Variants in HPS5 observed in about 807,000 individuals in gnomAD.
The protein encoded by HPS5 is HPS5 biogenesis of lysosomal organelles complex 2 subunit 2.
In HPS5, 83 loss-of-function variants were observed where a neutral mutation model predicts 128.0. The observed-to-expected ratio is 0.65, with a 90% CI of 0.54 to 0.78. The LOEUF (loss-of-function observed/expected upper bound fraction) is 0.78, where lower values mean the gene tolerates loss of function less well. Ranked by LOEUF, HPS5 falls within the 30% of genes least tolerant of loss-of-function variation. HPS5 has a pLI of 0.00. For synonymous variants in HPS5, 475 were observed against 470.2 expected (o/e 1.01, Z -0.13); for missense variants, 1,281 against 1,326.2 (o/e 0.97, Z 0.53).
Position 18,308,936 on chromosome 11 carries a change from G to A in HPS5, c.611+10C>T. 6.2e-7 allele frequency: 1 copy of A among 1,613,766 alleles called. No homozygotes were observed. Among genetic ancestry groups the A allele is most frequent in the Non-Finnish European group, 8.5e-7 (1 of 1,179,734 alleles). ...CTGCATTTCTGATGACTAATGGTTG[G>A]TCAATATACCTCTCAGTGTCACACA... On this transcript the variant is annotated intron_variant, in intron 6 of 22. Transcript: ENST00000349215.
intron 4 of HPS5, 101 bp from the exon 5 acceptor site, chr11:18,311,034 G>A (rs1019655887): frequency 1.2e-6 from 1 of 858,256 alleles, no homozygotes; most frequent in African/African-American, 1.7e-5. Context: ...TGCAACTCTT[G>A]TTCTTCAGAA....
intron 4 of HPS5, 76 bp downstream of exon 4, chr11:18,311,311 G>T: frequency 2.9e-6 from 3 of 1,041,420 alleles, no homozygotes; most frequent in Non-Finnish European, 4.5e-6. Flanking sequence ...CAGGATGGTT[G>T]GTCACCCTAA....
chr11:18,297,448 A>C, intron 11 of HPS5, 111 bp downstream of exon 11: 1 of 1,044,088 alleles, frequency 9.6e-7, no homozygotes. Context: ...CTTCCCACCA[A>C]AAAACATAAA....
chr11:18,309,053 A>C lies in HPS5; in HGVS notation c.504T>G (p.Pro168=), dbSNP rs781286971. The change falls in exon 6 of 23, where the codon CCT becomes CCG. Residue 168 remains proline (P), a synonymous_variant. Coordinates refer to ENST00000349215, the MANE Select transcript of HPS5 (RefSeq NM_181507.2). ...AGTCAACAGTTGTGATTGTCTGAAC[A>C]GGAAACATCACAAAAGCAGCAGCTG... ...AKAAAAFVMF[P]VQTITTVDSC... is the part of the protein sequence containing the mutation. The C allele has an allele frequency of 1.2e-6, 2 of 1,613,982 alleles. No homozygotes were observed. The highest frequency in any genetic ancestry group is 1.3e-5 in the African/African-American group (1 of 74,936).
At chr11:18,280,819 T>C (rs1430765786) in intron 22 of HPS5, among the ~76,000 whole-genome samples, 1 of 152,152 alleles carries the variant, frequency 6.6e-6, no homozygotes, top group East Asian at 1.9e-4. Context: ...TCCACTGAGA[T>C]GAGGTATGTA....
chr11:18,281,293 CA>C (rs1858906468), intron 22 of HPS5, among the ~76,000 whole-genome samples: 1 of 149,186 alleles, frequency 6.7e-6, no homozygotes, highest in African/African-American at 2.5e-5. Flanking sequence ...AGGGTTTCAC[CA>C]TATTGGTTAG....
chr11:18,297,161 G>GC (rs1489063031), intron 11 of HPS5, among the ~76,000 whole-genome samples, 177 bp from the exon 12 acceptor site: 2 of 152,228 alleles, frequency 1.3e-5, no homozygotes, highest in African/African-American at 4.8e-5. Flanking sequence ...CACTCCGTGT[G>GC]CTAGTGGCAT....
chr11:18,285,928 T>C (rs1343497300), intron 19 of HPS5, among the ~76,000 whole-genome samples: 1 of 152,200 alleles, frequency 6.6e-6, no homozygotes, highest in African/African-American at 2.4e-5. Flanking sequence ...AGAAAACACA[T>C]ACATACCTAT....
intron 1 of HPS5, among the ~76,000 whole-genome samples, chr11:18,320,289 C>T (rs899833923): frequency 2.0e-5 from 3 of 152,174 alleles, no homozygotes; most frequent in East Asian, 1.9e-4. Flanking sequence ...CTTTCAAGAT[C>T]GCACATGAGC....
At chr11:18,281,891 G>A in intron 22 of HPS5, 59 bp downstream of exon 22, 1 of 1,593,300 alleles carries the variant, frequency 6.3e-7, no homozygotes, top group Non-Finnish European at 8.6e-7. Flanking sequence ...ACATCTGAAA[G>A]TCTGTGGCCT....
Position 18,300,645 on chromosome 11 carries a change from C to A in HPS5, c.985+183G>T, listed in dbSNP as rs1861587655. Among the ~76,000 whole-genome samples the A allele has an allele frequency of 3.6e-5, 5 of 139,466 alleles. No homozygotes were observed. In the Admixed American group the frequency reaches 3.9e-4, roughly 11 times the overall value. 91.5% of individuals were successfully genotyped at this position (139,466 alleles called of 152,430 possible). A position where few individuals can be genotyped will look rare whatever the true frequency, so the allele number is the denominator to read the frequency against. ...CCAGGAGGTGGAGGTTTCCGTGAGC[C>A]AAGATCGCACCAGTGCACTCCAGCC... is the stretch of plus-strand genomic sequence containing the variant. On this transcript the variant is annotated intron_variant, in intron 9 of 22. Transcript: ENST00000349215.
intron 11 of HPS5, among the ~76,000 whole-genome samples, chr11:18,297,294 G>T (rs752298706): frequency 7.9e-5 from 12 of 152,134 alleles, no homozygotes; most frequent in Non-Finnish European, 1.5e-4. Context: ...TCACATATTA[G>T]AGCAACGTAA....
At position 18,296,604 on chromosome 11, in the gene HPS5, G is replaced by A. The variant is rs112363233; in HGVS notation, c.1510+194C>T. ...GGCCCTAATGTTAGTCCAAACGTGAGGGGAAAAAATACTAAACATAAACCA... is the reference window on the plus strand; with the variant it reads ...GGCCCTAATGTTAGTCCAAACGTGAAGGGAAAAAATACTAAACATAAACCA... On this transcript the variant is annotated intron_variant, in intron 12 of 22. Coordinates refer to ENST00000349215, the MANE Select transcript of HPS5 (RefSeq NM_181507.2). The A allele has an allele frequency of 2.3e-4, 161 of 701,286 alleles. No individual in the cohort carries two copies. The African/African-American group carries it at 2.5e-3, about 11-fold the overall frequency. 43.4% of individuals were successfully genotyped at this position (701,286 alleles called of 1,614,324 possible).
chr11:18,315,400 G>T (rs921611263), intron 2 of HPS5, among the ~76,000 whole-genome samples: 2 of 152,166 alleles, frequency 1.3e-5, no homozygotes, highest in Non-Finnish European at 2.9e-5. Flanking sequence ...ATTGTCTGAG[G>T]CTAGGAGTTT....
At chr11:18,309,464 C>T (rs1236566425) in intron 5 of HPS5, among the ~76,000 whole-genome samples, 1 of 152,172 alleles carries the variant, frequency 6.6e-6, no homozygotes, top group Non-Finnish European at 1.5e-5. Context: ...GAGCTAAGAT[C>T]ATGCTACTAT....
chr11:18,280,346 T>C (rs1375539081), intron 22 of HPS5, among the ~76,000 whole-genome samples: 1 of 152,140 alleles, frequency 6.6e-6, no homozygotes, highest in East Asian at 1.9e-4. Flanking sequence ...TGACACCCAC[T>C]GGGATAGCTA....
chr11:18,285,358 C>T lies in HPS5; in HGVS notation c.2939G>A (p.Cys980Tyr), dbSNP rs1564928969. 6.2e-7 allele frequency: 1 copy of T among 1,607,146 alleles called. No homozygotes were observed. Among genetic ancestry groups the T allele is most frequent in the Non-Finnish European group, 8.5e-7 (1 of 1,173,890 alleles). ...AATTCTCACTTACCCACAAGACCTG[C>T]AGATGTCTGTCATTTTCTCTTTGGT... ...FITKEKMTDI[C>Y]RSCGFWPGYL... Residue 980 changes from cysteine (C) to tyrosine (Y), a missense_variant, in exon 20 of 23, where the codon TGC (cysteine) becomes TAC (tyrosine). By Grantham distance (194) the Cys-to-Tyr change is radical. Coordinates refer to ENST00000349215, the MANE Select transcript of HPS5 (RefSeq NM_181507.2).
chr11:18,296,486 A>G, intron 12 of HPS5: 1 of 576,074 alleles, frequency 1.7e-6, no homozygotes, highest in East Asian at 2.9e-5. Flanking sequence ...GATGAAAAAT[A>G]ATTTGGTTAG....
Position 18,295,017 on chromosome 11 carries a change from T to C in HPS5, c.1784+3A>G. ...GTATAGAGATTTATGTGTAAGGGCT[T>C]ACTCAGTGTCTTCCTCCTTTGGGCA... is the stretch of plus-strand genomic sequence containing the variant. On this transcript the variant is annotated splice_donor_region_variant and intron_variant, in intron 14 of 22. Coordinates refer to ENST00000349215, the MANE Select transcript of HPS5 (RefSeq NM_181507.2). 6.2e-7 allele frequency: 1 copy of C among 1,614,128 alleles called. No homozygotes were observed. Among genetic ancestry groups the C allele is most frequent in the Non-Finnish European group, 8.5e-7 (1 of 1,179,974 alleles).
Sources: allele counts gnomAD v4.1 joint callset (sites outside exome capture counted in the v4.1 genomes callset), GRCh38; gene constraint gnomAD v4.1.1; transcripts MANE v1.5; gene names NCBI Gene and HGNC (gene_info 2026-07-23, HGNC 2026-07-21).